Variants in ZFHX4 observed in about 807,000 individuals in gnomAD.
ZFHX4 encodes zinc finger homeobox protein 4.
Under a neutral mutation model 267.6 loss-of-function variants are expected in ZFHX4, and 56 were observed. The observed-to-expected ratio is 0.21, with a 90% CI of 0.17 to 0.26. ZFHX4 has a LOEUF of 0.26. Ranked by LOEUF, ZFHX4 falls within the 10% of genes least tolerant of loss-of-function variation. The pLI is 1.00. For synonymous variants in ZFHX4, 1,778 were observed against 1,665.6 expected (o/e 1.07, Z -1.64); for missense variants, 4,332 against 4,420.0 (o/e 0.98, Z 0.56).
intron 10 of ZFHX4, among the ~76,000 whole-genome samples, chr8:76,856,682 T>C (rs565158595): frequency 6.6e-5 from 10 of 152,268 alleles, no homozygotes; most frequent in African/African-American, 2.4e-4. Context: ...TTAAATAATA[T>C]ATTTATTGGT....
At chr8:76,688,248 T>C (rs1807741002) in intron 1 of ZFHX4, among the ~76,000 whole-genome samples, 1 of 152,164 alleles carries the variant, frequency 6.6e-6, no homozygotes, top group Admixed American at 6.5e-5. Context: ...CAGTTAATGA[T>C]GGAATATAAG....
intron 3 of ZFHX4, among the ~76,000 whole-genome samples, chr8:76,720,593 T>A (rs549162071): frequency 6.6e-6 from 1 of 152,256 alleles, no homozygotes; most frequent in South Asian, 2.1e-4. Context: ...CTGCCGTCTG[T>A]TCTTAATTTT....
At chr8:76,849,749 TC>T in intron 8 of ZFHX4, 37 bp downstream of exon 8, 1 of 1,548,652 alleles carries the variant, frequency 6.5e-7, no homozygotes, top group Non-Finnish European at 8.9e-7. Context: ...TGTGACATAA[TC>T]TGTGTCAGGA....
At chr8:76,741,864 C>G (rs1809325949) in intron 3 of ZFHX4, among the ~76,000 whole-genome samples, 2 of 152,176 alleles carry the variant, frequency 1.3e-5, no homozygotes, top group Admixed American at 1.3e-4. Flanking sequence ...GATGACCATG[C>G]TCTTAGCCTT....
intron 3 of ZFHX4, among the ~76,000 whole-genome samples, chr8:76,736,350 ATTAG>A (rs1585894702): frequency 6.6e-6 from 1 of 152,196 alleles, no homozygotes; most frequent in African/African-American, 2.4e-5. Context: ...TATTAATAAA[ATTAG>A]TTAGTGTATT....
intron 3 of ZFHX4, among the ~76,000 whole-genome samples, chr8:76,717,846 C>T (rs191683038): frequency 1.1e-4 from 17 of 152,338 alleles, no homozygotes; most frequent in Admixed American, 1.1e-3. Context: ...ACCCGCCCCC[C>T]TCAGCCTCCC....
intron 6 of ZFHX4, among the ~76,000 whole-genome samples, chr8:76,847,238 C>T (rs909012950): frequency 3.3e-5 from 5 of 152,014 alleles, no homozygotes; most frequent in African/African-American, 1.2e-4. Context: ...GAGAAAGAAA[C>T]ATATATTTTT....
chr8:76,808,702 A>AT (rs985474185), intron 4 of ZFHX4, among the ~76,000 whole-genome samples: 4 of 152,102 alleles, frequency 2.6e-5, no homozygotes, highest in Non-Finnish European at 5.9e-5. Context: ...TTGTTAGCTG[A>AT]TTTTTTTGCA....
chr8:76,856,330 T>C (rs779180089), intron 10 of ZFHX4, 30 bp downstream of exon 10: 24 of 1,610,206 alleles, frequency 1.5e-5, no homozygotes, highest in South Asian at 1.1e-4. Flanking sequence ...CTCAGTCTAG[T>C]TAATTAAGTA....
At position 76,863,999 on chromosome 8, in the gene ZFHX4, G is replaced by A. The variant is rs1384583994; in HGVS notation, c.10285G>A (p.Gly3429Ser). 7 of 1,613,618 alleles carry A rather than the reference G, an allele frequency of 4.3e-6. No homozygotes were observed. The highest frequency in any genetic ancestry group is 3.3e-5 in the Admixed American group (2 of 59,966). ...VNHQKSFCYF[G>S]QPLIDPQETV... ...TCATCAAAAGTCCTTCTGTTATTTC[G>A]GTCAGCCTTTGATTGACCCACAAGA... Residue 3429 changes from glycine (G) to serine (S), a missense_variant, in exon 11 of 11, where the codon GGT becomes AGT. Physicochemically the swap from Gly to Ser is moderately conservative, Grantham distance 56. Transcript: ENST00000651372.
Position 76,864,391 on chromosome 8 carries a change from C to G in ZFHX4, c.10677C>G (p.Cys3559Trp). 6.2e-7 allele frequency: 1 copy of G among 1,613,806 alleles called. No homozygotes were observed. ...CTTCAACGGTTACCTCAAGTTTGTG[C>G]AGCACCTCAGGGGTTCAAACCTCAC... ...SLPSTVTSSL[C>W]STSGVQTSLP... The change falls in exon 11 of 11, where the codon TGC becomes TGG. Residue 3559 changes from cysteine (C) to tryptophan (W), a missense_variant. Around this residue, in one of 7 missense-constraint regions of ZFHX4, gnomAD observed 1,648 missense variants for 1,625.0 expected, o/e 1.01. Transcript: ENST00000651372.
chr8:76,728,113 GA>G (rs1350395141), intron 3 of ZFHX4, among the ~76,000 whole-genome samples: 1 of 152,102 alleles, frequency 6.6e-6, no homozygotes, highest in Non-Finnish European at 1.5e-5. Context: ...TTTGAAGTCA[GA>G]AAGATGTGTA....
chr8:76,784,181 C>CATAA (rs2131788260), intron 4 of ZFHX4, among the ~76,000 whole-genome samples: 1 of 151,980 alleles, frequency 6.6e-6, no homozygotes, highest in East Asian at 1.9e-4. Flanking sequence ...ATTGATAATT[C>CATAA]ATAAAAGCTC....
intron 3 of ZFHX4, among the ~76,000 whole-genome samples, chr8:76,754,849 C>A (rs75634067): frequency 0.032 from 4,921 of 152,232 alleles, 107 homozygotes; most frequent in Non-Finnish European, 0.046. Context: ...CTTCCTCTTA[C>A]CCTTCCCAGT....
At chr8:76,734,071 C>T (rs952513922) in intron 3 of ZFHX4, among the ~76,000 whole-genome samples, 8 of 152,232 alleles carry the variant, frequency 5.3e-5, no homozygotes, top group African/African-American at 1.7e-4. Flanking sequence ...TAATTTAGGG[C>T]TTAGGAGTAC....
In ZFHX4 at chr8:76,864,415, A is replaced by G; in HGVS notation, c.10701A>G (p.Ser3567=). ...SLCSTSGVQT[S]LPTESCSDES... ...GCAGCACCTCAGGGGTTCAAACCTCACTACCCACAGAAAGTTGTTCAGATG... is the reference window on the plus strand; with the variant it reads ...GCAGCACCTCAGGGGTTCAAACCTCGCTACCCACAGAAAGTTGTTCAGATG... The change falls in exon 11 of 11, where the codon TCA becomes TCG. Residue 3567 remains serine, a synonymous_variant. Transcript: ENST00000651372. The G allele has an allele frequency of 6.2e-7, 1 of 1,613,696 alleles. No homozygotes were observed. The highest frequency in any genetic ancestry group is 2.2e-5 in the East Asian group (1 of 44,828).
chr8:76,747,613 A>G (rs527422788), intron 3 of ZFHX4, among the ~76,000 whole-genome samples: 1 of 152,288 alleles, frequency 6.6e-6, no homozygotes, highest in South Asian at 2.1e-4. Flanking sequence ...CGTGGCACTT[A>G]ATAGAGCAGT....
At chr8:76,779,986 T>G (rs1448781831) in intron 4 of ZFHX4, among the ~76,000 whole-genome samples, 1 of 151,958 alleles carries the variant, frequency 6.6e-6, no homozygotes, top group Non-Finnish European at 1.5e-5. Context: ...GAACATAATT[T>G]AAATAAGAGT....
At chr8:76,838,198 G>A (rs1812141894) in intron 5 of ZFHX4, among the ~76,000 whole-genome samples, 1 of 152,132 alleles carries the variant, frequency 6.6e-6, no homozygotes, top group Non-Finnish European at 1.5e-5. Flanking sequence ...ATGTGAGCTG[G>A]ACCAGGAACA....
Sources: allele counts gnomAD v4.1 joint callset (sites outside exome capture counted in the v4.1 genomes callset), GRCh38; gene constraint gnomAD v4.1.1; regional missense constraint gnomAD v4.1.1; transcripts MANE v1.5; gene names NCBI Gene and HGNC (gene_info 2026-07-23, HGNC 2026-07-21).